CACNA1E: variants seen among roughly 807,000 people sequenced by gnomAD.
The protein encoded by CACNA1E is voltage-dependent R-type calcium channel subunit alpha-1E.
CACNA1E carries 40 observed loss-of-function variants against 259.2 expected under a neutral mutation model. The ratio of observed to expected loss-of-function variants is 0.15; its 90% confidence interval spans 0.12 to 0.20. The LOEUF (loss-of-function observed/expected upper bound fraction) is 0.20. Ranked by LOEUF, CACNA1E falls within the 10% of genes least tolerant of loss-of-function variation. The pLI is 1.00. For synonymous variants in CACNA1E, 1,104 were observed against 1,138.5 expected, an observed-to-expected ratio of 0.97 and a Z score of 0.61; for missense variants, 1,874 against 3,040.1, an observed-to-expected ratio of 0.62 and a Z score of 9.02.
intron 7 of CACNA1E, among the ~76,000 whole-genome samples, chr1:181,682,219 G>A (rs998256971): frequency 5.9e-5 from 9 of 152,276 alleles, no homozygotes; most frequent in East Asian, 1.9e-4. Context: ...CTGGGACCCC[G>A]TGTGACCATA....
chr1:181,722,001 A>G (rs1259849669), intron 16 of CACNA1E, 126 bp downstream of exon 16: 4 of 660,092 alleles, frequency 6.1e-6, no homozygotes, highest in South Asian at 1.8e-5. Flanking sequence ...TGTTTGGTGT[A>G]CTAAAGTAAA....
At chr1:181,527,453 G>A (rs1667446170) in intron 3 of CACNA1E, among the ~76,000 whole-genome samples, 1 of 152,224 alleles carries the variant, frequency 6.6e-6, no homozygotes, top group Admixed American at 6.5e-5. Context: ...GTGGGCTTTA[G>A]AGTCCTGGAA....
chr1:181,711,318 C>A (rs1218030325), intron 8 of CACNA1E, among the ~76,000 whole-genome samples: 1 of 152,224 alleles, frequency 6.6e-6, no homozygotes, highest in African/African-American at 2.4e-5. Flanking sequence ...GTAAAAGTAA[C>A]ATAACCCAAT....
chr1:181,386,247 G>A (rs1420980954), intron 1 of CACNA1E, among the ~76,000 whole-genome samples: 1 of 152,162 alleles, frequency 6.6e-6, no homozygotes, highest in African/African-American at 2.4e-5. Context: ...AGGAGGGAAG[G>A]ATATCCAAAG....
chr1:181,798,898 A>C lies in CACNA1E; in HGVS notation c.*64A>C. Reference sequence around the variant, plus strand: ...TGGAGAAAACCAAGACAGAATTGGGAAGCCAGTGCGGCCCGGGGGGGAGGA... The same window carrying C: ...TGGAGAAAACCAAGACAGAATTGGGCAGCCAGTGCGGCCCGGGGGGGAGGA... On this transcript the variant is annotated 3_prime_UTR_variant, in exon 48 of 48. Coordinates refer to ENST00000367573, the MANE Select transcript of CACNA1E (RefSeq NM_001205293.3). This position sits in a 1 kb window ranked among gnomAD's most constrained non-coding sequence, Gnocchi z 4.2. 7.1e-7 allele frequency: 1 copy of C among 1,410,966 alleles called. No individual in the cohort carries two copies. Among genetic ancestry groups the C allele is most frequent in the Non-Finnish European group, 9.3e-7 (1 of 1,073,556 alleles). The allele number at this position is 1,410,966 out of a possible 1,614,324, so 87.4% of individuals were successfully genotyped here.
intron 2 of CACNA1E, among the ~76,000 whole-genome samples, chr1:181,438,658 G>C (rs1660247229): frequency 6.6e-6 from 1 of 152,094 alleles, no homozygotes; most frequent in Non-Finnish European, 1.5e-5. Flanking sequence ...CCATGAGAAT[G>C]GCAAAATTCA....
intron 1 of CACNA1E, among the ~76,000 whole-genome samples, chr1:181,325,486 A>C (rs1650703975): frequency 6.6e-6 from 1 of 152,080 alleles, no homozygotes; most frequent in African/African-American, 2.4e-5. Context: ...TAGGCATTCA[A>C]ATTCTCATGC....
chr1:181,590,988 G>A (rs985990330), intron 6 of CACNA1E, among the ~76,000 whole-genome samples: 3 of 152,166 alleles, frequency 2.0e-5, no homozygotes, highest in Admixed American at 6.5e-5. Flanking sequence ...TTAAATTTAA[G>A]CATTATTAAA....
chr1:181,475,490 G>T (rs1257135697), intron 2 of CACNA1E, among the ~76,000 whole-genome samples: 1 of 152,146 alleles, frequency 6.6e-6, no homozygotes, highest in African/African-American at 2.4e-5. Flanking sequence ...CCTAGGAGTG[G>T]GAGAAGCAGA....
At chr1:181,779,530 G>A (rs1218512357) in intron 38 of CACNA1E, 4 of 452,356 alleles carry the variant, frequency 8.8e-6, no homozygotes, top group African/African-American at 2.0e-5. Context: ...CCTACAGGGT[G>A]GCTTGCAAGG....
At chr1:181,616,081 G>GT (rs1207078952) in intron 6 of CACNA1E, among the ~76,000 whole-genome samples, 1 of 152,066 alleles carries the variant, frequency 6.6e-6, no homozygotes, top group African/African-American at 2.4e-5. Flanking sequence ...GTTGTGATAT[G>GT]TTTTTTCTAT....
chr1:181,665,462 A>G (rs1349966017), intron 7 of CACNA1E, among the ~76,000 whole-genome samples: 4 of 152,186 alleles, frequency 2.6e-5, no homozygotes, highest in Non-Finnish European at 4.4e-5. Context: ...GATAACTTCT[A>G]CTTAGTAAAA....
chr1:181,771,056 C>T (rs1269702885), intron 35 of CACNA1E, among the ~76,000 whole-genome samples: 4 of 152,290 alleles, frequency 2.6e-5, no homozygotes, highest in Middle Eastern at 3.4e-3. Context: ...TTGCGTTCTA[C>T]GTTATGCTTG....
chr1:181,688,028 T>C (rs1650760488), intron 7 of CACNA1E, among the ~76,000 whole-genome samples: 1 of 152,108 alleles, frequency 6.6e-6, no homozygotes, highest in Non-Finnish European at 1.5e-5. Flanking sequence ...AAATATTTCA[T>C]ATACACAAAA....
intron 3 of CACNA1E, among the ~76,000 whole-genome samples, chr1:181,545,553 T>C (rs1052487295): frequency 1.3e-5 from 2 of 152,076 alleles, no homozygotes; most frequent in Non-Finnish European, 2.9e-5. Context: ...GGGTGTGGTC[T>C]TGACTACTCC....
intron 7 of CACNA1E, among the ~76,000 whole-genome samples, chr1:181,693,145 A>AAAAC (rs751452211): frequency 1.1e-4 from 16 of 150,374 alleles, no homozygotes; most frequent in Non-Finnish European, 2.1e-4. Context: ...AAAAAAAAAA[A>AAAAC]AAAAACAACA....
intron 1 of CACNA1E, among the ~76,000 whole-genome samples, chr1:181,321,506 G>A (rs753948626): frequency 2.0e-5 from 3 of 152,188 alleles, no homozygotes; most frequent in Non-Finnish European, 2.9e-5. Flanking sequence ...GACTGACCAT[G>A]GCCTAGATTG....
At chr1:181,328,940 C>G (rs1413947688) in intron 1 of CACNA1E, among the ~76,000 whole-genome samples, 1 of 152,214 alleles carries the variant, frequency 6.6e-6, no homozygotes, top group Non-Finnish European at 1.5e-5. Context: ...CAAATTTATA[C>G]TTCCAGCTCA....
intron 3 of CACNA1E, among the ~76,000 whole-genome samples, chr1:181,530,938 T>G (rs537793593): frequency 2.6e-5 from 4 of 152,350 alleles, no homozygotes; most frequent in Admixed American, 6.5e-5. Flanking sequence ...GCTTATGGTT[T>G]ATGATCTGCT....
Sources: gnomAD v4.1 joint callset for allele counts (sites outside exome capture counted in the v4.1 genomes callset) on GRCh38, gnomAD v4.1.1 for gene constraint, Gnocchi (gnomAD v3.1) non-coding constraint, MANE v1.5 for transcripts, NCBI Gene and HGNC (gene_info 2026-07-23, HGNC 2026-07-21) for gene names.